Variants in EFCAB8 observed in about 807,000 individuals in gnomAD.
The protein encoded by EFCAB8 is EF-hand calcium-binding domain-containing protein 8.
A neutral mutation model predicts 116.3 loss-of-function variants in EFCAB8; 100 were observed. That is an observed-to-expected ratio of 0.86 (90% CI 0.73 to 1.02). The LOEUF is 1.02. EFCAB8 is among the 50% of genes least tolerant of loss of function. The probability of loss-of-function intolerance (pLI) is 0.00; values close to 1 mark genes in which losing one functional copy is unlikely to be tolerated. For missense variants in EFCAB8, 1,320 were observed against 1,416.9 expected (o/e 0.93, Z 1.10); for synonymous variants, 558 against 567.9 (o/e 0.98, Z 0.25).
chr20:32,898,390 A>T lies in EFCAB8; in HGVS notation c.958-103A>T. On this transcript the variant is annotated intron_variant, in intron 10 of 26. Transcript: ENST00000400522. ...TAGGAGAAGGGCATTAGACTCCGTG[A>T]TCTCTGGGCACCTCCAGTCCCAGCA... 5 of 637,498 alleles carry T rather than the reference A, an allele frequency of 7.8e-6. No homozygotes were observed. In the South Asian group the frequency reaches 9.0e-5, roughly 11 times the overall value. The allele number at this position is 637,498 out of a possible 1,614,324, so 39.5% of individuals were successfully genotyped here. A position where few individuals can be genotyped will look rare whatever the true frequency, so the allele number is the denominator to read the frequency against.
At chr20:32,957,085 A>G (rs1273158909) in intron 23 of EFCAB8, among the ~76,000 whole-genome samples, 1 of 150,454 alleles carries the variant, frequency 6.6e-6, no homozygotes, top group East Asian at 2.0e-4. Flanking sequence ...TTTTAGATGT[A>G]TTTTTTTAGT....
At chr20:32,939,358 C>T (rs1988310342) in intron 22 of EFCAB8, among the ~76,000 whole-genome samples, 1 of 145,282 alleles carries the variant, frequency 6.9e-6, no homozygotes, top group South Asian at 2.2e-4. Context: ...TCTCAGCTCA[C>T]TGCAACCTCC....
intron 11 of EFCAB8, among the ~76,000 whole-genome samples, chr20:32,899,821 G>T (rs951947710): frequency 1.3e-5 from 2 of 152,074 alleles, no homozygotes; most frequent in Non-Finnish European, 1.5e-5. Flanking sequence ...TTATCAGCCC[G>T]CCTCGGCCTC....
At chr20:32,862,803 A>G (rs189789090) in intron 1 of EFCAB8, among the ~76,000 whole-genome samples, 5 of 151,562 alleles carry the variant, frequency 3.3e-5, no homozygotes, top group Non-Finnish European at 7.4e-5. Context: ...AATTTTTTAT[A>G]TTTTTAGTAG....
At chr20:32,892,171 G>A in intron 7 of EFCAB8, 42 bp from the exon 8 acceptor site, 2 of 1,516,044 alleles carry the variant, frequency 1.3e-6, no homozygotes, top group Non-Finnish European at 1.8e-6. Context: ...GACCTCCCAG[G>A]CATGGCTGTG....
rs574610656 is a variant in EFCAB8 at position 32,931,527 on chromosome 20, G to A, written c.2790+191G>A. 4 of 333,060 alleles carry A rather than the reference G, an allele frequency of 1.2e-5. No individual in the cohort carries two copies. The South Asian group carries it at 4.7e-4, about 40-fold the overall frequency. 20.6% of individuals were successfully genotyped at this position (333,060 alleles called of 1,614,324 possible). Reference sequence around the variant, plus strand: ...TAATCCCAGCACTTTGGGAGGCTGAGGCGGGTGGATCACGAGGTCAGGAGT... The same window carrying A: ...TAATCCCAGCACTTTGGGAGGCTGAAGCGGGTGGATCACGAGGTCAGGAGT... On this transcript the variant is annotated intron_variant, in intron 22 of 26. Coordinates refer to ENST00000400522, the MANE Select transcript of EFCAB8 (RefSeq NM_001143967.2).
At chr20:32,902,640 T>G (rs1204153753) in intron 11 of EFCAB8, among the ~76,000 whole-genome samples, 4 of 152,330 alleles carry the variant, frequency 2.6e-5, no homozygotes, top group Admixed American at 2.6e-4. Context: ...CTTGTCTGCA[T>G]GCAGTGCAAT....
At position 32,923,283 on chromosome 20, in the gene EFCAB8, C is replaced by T. The variant is rs570805749; in HGVS notation, c.2412+3068C>T. 9.2e-5 allele frequency among the ~76,000 whole-genome samples: 14 copies of T among 152,104 alleles called. No homozygotes were observed. The South Asian group carries it at 1.9e-3, about 20-fold the overall frequency. On this transcript the variant is annotated intron_variant, in intron 20 of 26. Coordinates refer to ENST00000400522, the MANE Select transcript of EFCAB8 (RefSeq NM_001143967.2). ...GGCAGATTGCCTGAGCTCAGGAGTT[C>T]GAAACCAGCCTGGGCAACACGGTGA...
chr20:32,959,821 G>A lies in EFCAB8; in HGVS notation c.3133G>A (p.Glu1045Lys). Reference protein sequence around the residue: ...LAEALIYQRREQAALMALLHG... With the variant: ...LAEALIYQRRKQAALMALLHG... ...TGAGGCCCTGATATACCAGCGGCGA[G>A]AGCAGGCGGCGCTGATGGCTCTCCT... The change falls in exon 25 of 27, where the codon GAG becomes AAG. Residue 1045 changes from glutamate to lysine, a missense_variant. Transcript: ENST00000400522. 3.3e-6 allele frequency: 5 copies of A among 1,535,200 alleles called. No homozygotes were observed. The highest frequency in any genetic ancestry group is 4.4e-6 in the Non-Finnish European group (5 of 1,137,496).
chr20:32,939,387 A>G lies in EFCAB8; in HGVS notation c.2791-4249A>G, dbSNP rs369094669. On this transcript the variant is annotated intron_variant, in intron 22 of 26. Coordinates refer to ENST00000400522, the MANE Select transcript of EFCAB8 (RefSeq NM_001143967.2). ...AACCTCCGCCTCCCAGGTTCAAACGATTTTCCTGCCTCAGCCTCCCAAGTA... is the reference window on the plus strand; with the variant it reads ...AACCTCCGCCTCCCAGGTTCAAACGGTTTTCCTGCCTCAGCCTCCCAAGTA... 3.5e-5 allele frequency among the ~76,000 whole-genome samples: 5 copies of G among 143,752 alleles called. No individual in the cohort carries two copies. The East Asian group carries it at 1.0e-3, about 29-fold the overall frequency. The allele number at this position is 143,752 out of a possible 152,430, so 94.3% of individuals were successfully genotyped here. A position where few individuals can be genotyped will look rare whatever the true frequency, so the allele number is the denominator to read the frequency against.
chr20:32,862,527 C>T (rs1984165910), intron 1 of EFCAB8, among the ~76,000 whole-genome samples: 1 of 152,214 alleles, frequency 6.6e-6, no homozygotes, highest in South Asian at 2.1e-4. Context: ...GCTGTCCTCT[C>T]TCCTTTGGTC....
chr20:32,883,196 T>C (rs1403041280), intron 5 of EFCAB8, among the ~76,000 whole-genome samples: 1 of 152,210 alleles, frequency 6.6e-6, no homozygotes, highest in African/African-American at 2.4e-5. Flanking sequence ...TTCTCTGATA[T>C]CACCCAAGAC....
At chr20:32,938,259 C>T (rs1269730561) in intron 22 of EFCAB8, among the ~76,000 whole-genome samples, 2 of 149,894 alleles carry the variant, frequency 1.3e-5, no homozygotes, top group Non-Finnish European at 3.0e-5. Flanking sequence ...CAAAATTGAA[C>T]ACCGTTTTCT....
chr20:32,945,557 T>C (rs185778612), intron 23 of EFCAB8, among the ~76,000 whole-genome samples: 2 of 152,354 alleles, frequency 1.3e-5, no homozygotes, highest in East Asian at 3.9e-4. Flanking sequence ...TTACGGTTAC[T>C]TAGAATTCTT....
chr20:32,931,517 G>A (rs1418115187), intron 22 of EFCAB8, 181 bp downstream of exon 22: 1 of 387,524 alleles, frequency 2.6e-6, no homozygotes, highest in Non-Finnish European at 3.5e-6. Context: ...CCAGCACTTT[G>A]GGAGGCTGAG....
chr20:32,875,062 C>T (rs1482853059), intron 3 of EFCAB8, among the ~76,000 whole-genome samples: 1 of 152,060 alleles, frequency 6.6e-6, no homozygotes. Context: ...TTCTCCTTTT[C>T]TTTGGAGAGT....
rs1428087775 is a variant in EFCAB8 at position 32,930,535 on chromosome 20, T to G, written c.2550T>G (p.Asn850Lys). Residue 850 changes from asparagine to lysine, a missense_variant, in exon 21 of 27, where the codon AAT becomes AAG. Coordinates refer to ENST00000400522, the MANE Select transcript of EFCAB8 (RefSeq NM_001143967.2). ...LLGKFPVDLD[N>K]GDVVVGAMAT... ...GGAAGTTCCCTGTGGACCTAGACAA[T>G]GGGGATGTTGTCGTGGGTGCCATGG... The G allele has an allele frequency of 2.6e-6, 4 of 1,552,068 alleles. No homozygotes were observed. The Admixed American group carries it at 5.9e-5, about 23-fold the overall frequency.
rs947513324 is a variant in EFCAB8, at chr20:32,893,158, C to T, written c.759-16C>T. On this transcript the variant is annotated splice_polypyrimidine_tract_variant and intron_variant, in intron 8 of 26. Coordinates refer to ENST00000400522, the MANE Select transcript of EFCAB8 (RefSeq NM_001143967.2). ...GCCCAGCCCACACAACCTCTTCCGT[C>T]TCCATCTTTCTGCAGGTCTGACTAT... 6.4e-7 allele frequency: 1 copy of T among 1,551,602 alleles called. No homozygotes were observed. The highest frequency in any genetic ancestry group is 1.4e-5 in the African/African-American group (1 of 73,042).
At chr20:32,910,748 T>TC (rs1440225208) in intron 15 of EFCAB8, among the ~76,000 whole-genome samples, 1 of 145,886 alleles carries the variant, frequency 6.9e-6, no homozygotes, top group East Asian at 1.9e-4. Context: ...CTTTTTTTTT[T>TC]TTTTTTTTTT....
Sources: allele counts gnomAD v4.1 joint callset (sites outside exome capture counted in the v4.1 genomes callset), GRCh38; gene constraint gnomAD v4.1.1; transcripts MANE v1.5; gene names NCBI Gene and HGNC (gene_info 2026-07-23, HGNC 2026-07-21).